The following DUOX2 variants were observed in gnomAD, a reference collection of about 807,000 sequenced individuals.
DUOX2 encodes the protein NADH/NADPH thyroid oxidase p138-tox.
A neutral mutation model predicts 183.3 loss-of-function variants in DUOX2; 185 were observed. The ratio of observed to expected loss-of-function variants is 1.01; its 90% CI spans 0.90 to 1.14. The LOEUF (loss-of-function observed/expected upper bound fraction) is 1.14. DUOX2 is among the 50% of genes most tolerant of loss of function. The pLI is 0.00. For missense variants in DUOX2, 1,999 were observed against 2,022.9 expected, an observed-to-expected ratio of 0.99 and a Z score of 0.23; for synonymous variants, 788 against 812.4, an observed-to-expected ratio of 0.97 and a Z score of 0.51.
intron 20 of DUOX2, among the ~76,000 whole-genome samples, chr15:45,102,539 G>A (rs1341977091): frequency 6.6e-6 from 1 of 152,236 alleles, no homozygotes; most frequent in Non-Finnish European, 1.5e-5. Flanking sequence ...TGTGCCTCGG[G>A]ACAGAAAAGA....
At chr15:45,112,477 G>A (rs1036396029) in intron 4 of DUOX2, 77 bp downstream of exon 4, 22 of 1,570,664 alleles carry the variant, frequency 1.4e-5, no homozygotes, top group Non-Finnish European at 1.7e-5. Context: ...CTGTGGACTC[G>A]CAGACGGGAT....
At chr15:45,100,367 G>A (rs1377567266) in intron 23 of DUOX2, 139 bp from the exon 24 acceptor site, 3 of 772,278 alleles carry the variant, frequency 3.9e-6, no homozygotes, top group East Asian at 2.7e-5. Flanking sequence ...AGCAATCTGG[G>A]GGCTTCTTCC....
chr15:45,101,758 C>G, intron 21 of DUOX2, 35 bp downstream of exon 21: 2 of 1,614,058 alleles, frequency 1.2e-6, no homozygotes, highest in Non-Finnish European at 1.7e-6. Context: ...GACACGCCCC[C>G]CCTCCCTGAC....
Position 45,109,587 on chromosome 15 carries a change from G to C in DUOX2, c.1171C>G (p.Leu391Val), listed in dbSNP as rs770569790. ...GAAATCTGGGAGGCCATTCCCAGCAGCAGCTCATTCACCTCCTGGGTACTG... is the reference window on the plus strand; with the variant it reads ...GAAATCTGGGAGGCCATTCCCAGCACCAGCTCATTCACCTCCTGGGTACTG... The part of the protein sequence containing the change: ...LNSTQEVNEL[L>V]LGMASQISEL... The change falls in exon 11 of 34, where the codon CTG (leucine) becomes GTG (valine). Residue 391 changes from leucine to valine, a missense_variant. Physicochemically the swap from Leu to Val is conservative, Grantham distance 32 (BLOSUM62 1). Around this residue, in one of 3 missense-constraint regions of DUOX2, gnomAD observed 1,628 missense variants for 1,608.6 expected, o/e 1.01. Coordinates refer to ENST00000389039, the MANE Select transcript of DUOX2 (RefSeq NM_001363711.2). 6.2e-7 allele frequency: 1 copy of C among 1,614,114 alleles called. No individual in the cohort carries two copies. Among genetic ancestry groups the C allele is most frequent in the Non-Finnish European group, 8.5e-7 (1 of 1,180,034 alleles).
intron 9 of DUOX2, 146 bp downstream of exon 9, chr15:45,110,282 C>T (rs1894344707): frequency 1.3e-6 from 1 of 758,522 alleles, no homozygotes; most frequent in Non-Finnish European, 2.1e-6. Context: ...ACACATCTTA[C>T]CCCAGGGTTC....
At chr15:45,103,591 C>A (rs1341986103) in intron 20 of DUOX2, among the ~76,000 whole-genome samples, 3 of 152,210 alleles carry the variant, frequency 2.0e-5, no homozygotes, top group Non-Finnish European at 4.4e-5. Context: ...CATCCATTCA[C>A]TGTTTCACTG....
chr15:45,094,459 C>T (rs1018339632), intron 33 of DUOX2, 104 bp downstream of exon 33: 126 of 1,534,882 alleles, frequency 8.2e-5, no homozygotes, highest in Non-Finnish European at 1.1e-4. Flanking sequence ...GCCAGGCAAT[C>T]GGGTGGAGTT....
chr15:45,096,171 T>A, intron 29 of DUOX2, 111 bp from the exon 30 acceptor site: 1 of 943,988 alleles, frequency 1.1e-6, no homozygotes, highest in South Asian at 1.4e-5. Context: ...AGTAGTCACA[T>A]GGTCTGAGCA....
chr15:45,112,497 C>A, intron 4 of DUOX2, 57 bp downstream of exon 4: 1 of 1,596,286 alleles, frequency 6.3e-7, no homozygotes, highest in Non-Finnish European at 8.6e-7. Context: ...TCTGGCCCCT[C>A]CCCCAGGCTG....
intron 17 of DUOX2, 78 bp from the exon 18 acceptor site, chr15:45,105,906 G>A: frequency 6.4e-7 from 1 of 1,572,994 alleles, no homozygotes; most frequent in Non-Finnish European, 8.7e-7. Context: ...TGGATCTTGG[G>A]TTGAGGGGAG....
At chr15:45,095,285 C>G in intron 31 of DUOX2, 152 bp downstream of exon 31, 1 of 1,409,294 alleles carries the variant, frequency 7.1e-7, no homozygotes, top group African/African-American at 1.4e-5. Context: ...CACCAACCTC[C>G]CTCCAAGTTT....
chr15:45,111,803 C>A lies in DUOX2; in HGVS notation c.478G>T (p.Glu160Ter). ...GGGTTGCTGGGACTCCGTCCGGTCT[C>A]GGGGTCCCAGCGGCTCCTCTGGAAG... ...LPFQRSRWDP[E>*]TGRSPSNPRD... The change falls in exon 5 of 34, where the codon GAG (glutamate) becomes TAG (stop). Residue 160 changes from glutamate to a stop codon, truncating the protein, a stop_gained. Transcript: ENST00000389039. LOFTEE classifies it high-confidence loss of function. The A allele has an allele frequency of 6.2e-7, 1 of 1,611,962 alleles. No homozygotes were observed. The highest frequency in any genetic ancestry group is 8.5e-7 in the Non-Finnish European group (1 of 1,179,382).
intron 24 of DUOX2, 66 bp downstream of exon 24, chr15:45,099,984 C>T: frequency 6.2e-7 from 1 of 1,611,770 alleles, no homozygotes; most frequent in East Asian, 2.2e-5. Context: ...GATCAGAGGG[C>T]TTTCCACTCC....
At position 45,109,606 on chromosome 15, in the gene DUOX2, G is replaced by C; in HGVS notation, c.1152C>G (p.Thr384=). Residue 384 remains threonine (T), a synonymous_variant, in exon 11 of 34, where the codon ACC becomes ACG. Transcript: ENST00000389039. ...WIRENPNLNS[T]QEVNELLLGM... ...CCAGCAGCAGCTCATTCACCTCCTG[G>C]GTACTGTTCAGATTGGGGTTCTGGA... is the stretch of plus-strand genomic sequence containing the variant. The C allele has an allele frequency of 1.2e-6, 2 of 1,614,054 alleles. No individual in the cohort carries two copies. The highest frequency in any genetic ancestry group is 1.7e-6 in the Non-Finnish European group (2 of 1,180,004).
intron 32 of DUOX2, 103 bp downstream of exon 32, chr15:45,094,833 G>T: frequency 6.3e-7 from 1 of 1,594,388 alleles, no homozygotes; most frequent in Non-Finnish European, 8.6e-7. Flanking sequence ...TGTGCCTCCT[G>T]CCAGCTCAGC....
Position 45,108,093 on chromosome 15 carries a change from G to A in DUOX2, c.1528C>T (p.Arg510Trp), listed in dbSNP as rs776321578. The A allele has an allele frequency of 1.7e-5, 27 of 1,613,962 alleles. No homozygotes were observed. The highest frequency in any genetic ancestry group is 1.6e-4 in the Middle Eastern group (1 of 6,084). The part of the protein sequence containing the change: ...FSAIVLDQFV[R>W]LRDGDRYWFE... ...CAGTAGCGGTCACCATCCCGCAGCC[G>A]TACAAACTGGTCGAGGACAATGGCA... The change falls in exon 13 of 34, where the codon CGG becomes TGG. Residue 510 changes from arginine to tryptophan, a missense_variant. Transcript: ENST00000389039.
At position 45,104,102 on chromosome 15, in the gene DUOX2, T is replaced by A. The variant is rs1425431768; in HGVS notation, c.2560+38A>T. 3 of 1,614,122 alleles carry A rather than the reference T, an allele frequency of 1.9e-6. No homozygotes were observed. The South Asian group carries it at 3.3e-5, about 18-fold the overall frequency. ...GGTCATCTCCTTGCTGAAAGACCCCTGGATTCTTGGATAGCCTGCCACCTC... is the reference window on the plus strand; with the variant it reads ...GGTCATCTCCTTGCTGAAAGACCCCAGGATTCTTGGATAGCCTGCCACCTC... On this transcript the variant is annotated intron_variant, in intron 19 of 33. Transcript: ENST00000389039.
chr15:45,099,959 C>G, intron 24 of DUOX2, 67 bp from the exon 25 acceptor site: 1 of 1,611,678 alleles, frequency 6.2e-7, no homozygotes, highest in Non-Finnish European at 8.5e-7. Context: ...TGGGCTCTCC[C>G]ATGCAGACTC....
rs745963417 is a variant in DUOX2 at position 45,111,954 on chromosome 15, G to A, written c.327C>T (p.Gly109=). The A allele has an allele frequency of 2.7e-5, 43 of 1,613,350 alleles. No homozygotes were observed. The South Asian group carries it at 4.3e-4, about 16-fold the overall frequency. Residue 109 remains glycine, a splice_region_variant and synonymous_variant, in exon 5 of 34, where the codon GGC becomes GGT. Transcript: ENST00000389039. ...HNRTVLGVFF[G]YHVLSDVVSV... Reference sequence around the variant, plus strand: ...TCACCACGTCGGAAAGAACATGGTAGCCTGCGGGCATGGGGCGCCAATACG... The same window carrying A: ...TCACCACGTCGGAAAGAACATGGTAACCTGCGGGCATGGGGCGCCAATACG...
Sources: allele counts gnomAD v4.1 joint callset (sites outside exome capture counted in the v4.1 genomes callset), GRCh38; gene constraint gnomAD v4.1.1; regional missense constraint gnomAD v4.1.1; transcripts MANE v1.5; gene names NCBI Gene and HGNC (gene_info 2026-07-23, HGNC 2026-07-21).